KSR2: variants seen among roughly 807,000 people sequenced by gnomAD.
KSR2 encodes kinase suppressor of ras 2.
A neutral mutation model predicts 107.8 loss-of-function variants in KSR2; 25 were observed. The observed-to-expected ratio is 0.23, with a 90% CI of 0.17 to 0.32. The LOEUF (loss-of-function observed/expected upper bound fraction) is 0.32, where lower values mean the gene tolerates loss of function less well. Ranked by LOEUF, KSR2 falls within the 10% of genes least tolerant of loss-of-function variation. The pLI is 1.00. For synonymous variants in KSR2, 480 were observed against 507.0 expected, an observed-to-expected ratio of 0.95 and a Z score of 0.71; for missense variants, 887 against 1,268.9, an observed-to-expected ratio of 0.70 and a Z score of 4.57.
At chr12:117,858,666 G>C (rs1031043239) in intron 2 of KSR2, among the ~76,000 whole-genome samples, 1 of 152,190 alleles carries the variant, frequency 6.6e-6, no homozygotes, top group Non-Finnish European at 1.5e-5. Context: ...GCTCTGGGGG[G>C]ACCCAGGCAA....
intron 4 of KSR2, among the ~76,000 whole-genome samples, chr12:117,698,072 C>G (rs888506814): frequency 6.6e-6 from 1 of 152,140 alleles, no homozygotes; most frequent in Admixed American, 6.5e-5. Flanking sequence ...TCACTAGAAG[C>G]AGAAGCTAGG....
chr12:117,665,326 C>T (rs568924498), intron 5 of KSR2, among the ~76,000 whole-genome samples: 8 of 152,176 alleles, frequency 5.3e-5, no homozygotes, highest in Non-Finnish European at 8.8e-5. Flanking sequence ...TTGGTAGGGA[C>T]GGGGGCTCAA....
intron 3 of KSR2, among the ~76,000 whole-genome samples, chr12:117,782,625 G>C (rs1306765372): frequency 1.3e-5 from 2 of 152,120 alleles, no homozygotes; most frequent in Admixed American, 6.5e-5. Flanking sequence ...CATTTTGCGA[G>C]TACCACCTCA....
At chr12:117,639,085 G>A (rs3956806) in intron 5 of KSR2, among the ~76,000 whole-genome samples, 25,216 of 151,886 alleles carry the variant, frequency 0.17, 2,195 homozygotes, top group Middle Eastern at 0.24. Context: ...GCTGGTTCAC[G>A]TACATTGCCC....
In KSR2 at chr12:117,761,462, T is replaced by TGGGCA. The variant is rs1889018272; in HGVS notation, c.534_535insTGCCC (p.Asn179CysfsTer95). The stretch of plus-strand genomic sequence containing the variant: ...GGCTCCGGGGGGCACACGGGATTGT[T>TGGGCA]CTCCTTCCCCGTCTCTGTCGTGGGC... On this transcript the variant is annotated frameshift_variant, in exon 4 of 20. Coordinates refer to ENST00000339824, the MANE Select transcript of KSR2 (RefSeq NM_173598.6). LOFTEE classifies it high-confidence loss of function. The TGGGCA allele has an allele frequency of 6.2e-7, 1 of 1,612,906 alleles. No homozygotes were observed. Among genetic ancestry groups the TGGGCA allele is most frequent in the Non-Finnish European group, 8.5e-7 (1 of 1,179,600 alleles).
chr12:117,723,354 C>A (rs1390989086), intron 4 of KSR2, among the ~76,000 whole-genome samples: 1 of 152,160 alleles, frequency 6.6e-6, no homozygotes, highest in Non-Finnish European at 1.5e-5. Flanking sequence ...TCAACCAACC[C>A]ATCACAACAG....
chr12:117,496,910 G>A (rs1391367094), intron 14 of KSR2, among the ~76,000 whole-genome samples: 2 of 151,566 alleles, frequency 1.3e-5, no homozygotes, highest in African/African-American at 4.9e-5. Context: ...CAGTGCAGTG[G>A]CACAATCTCA....
At chr12:117,498,773 T>C (rs752625495) in intron 14 of KSR2, among the ~76,000 whole-genome samples, 6 of 152,172 alleles carry the variant, frequency 3.9e-5, no homozygotes, top group Non-Finnish European at 8.8e-5. Context: ...GATGGCTTTA[T>C]AAAGGGGAGT....
intron 1 of KSR2, among the ~76,000 whole-genome samples, chr12:117,869,401 T>G (rs938000160): frequency 3.9e-5 from 6 of 152,068 alleles, no homozygotes; most frequent in African/African-American, 1.4e-4. Context: ...AGTTTGAGCA[T>G]TTCAGATAAG....
intron 4 of KSR2, among the ~76,000 whole-genome samples, chr12:117,714,113 A>C (rs1272131103): frequency 1.3e-5 from 2 of 152,160 alleles, no homozygotes; most frequent in African/African-American, 4.8e-5. Context: ...GGCTCGTTAA[A>C]TATTCATTCA....
Position 117,555,163 on chromosome 12 carries a change from C to T in KSR2, c.1518+6G>A. ...ATGCCGAGACCCAGGGGAAGCCCAG[C>T]CTTACCTTGTTGATTTTGTTGGTTT... On this transcript the variant is annotated splice_donor_region_variant and intron_variant, in intron 9 of 19. Coordinates refer to ENST00000339824, the MANE Select transcript of KSR2 (RefSeq NM_173598.6). 4 of 1,613,834 alleles carry T rather than the reference C, an allele frequency of 2.5e-6. No individual in the cohort carries two copies. The highest frequency in any genetic ancestry group is 3.4e-6 in the Non-Finnish European group (4 of 1,179,834).
intron 9 of KSR2, among the ~76,000 whole-genome samples, chr12:117,553,445 C>G (rs773317660): frequency 1.1e-4 from 17 of 152,280 alleles, no homozygotes; most frequent in Middle Eastern, 3.4e-3. Context: ...AAATTACATT[C>G]ATTAAGTATC....
intron 4 of KSR2, among the ~76,000 whole-genome samples, chr12:117,712,447 T>C (rs542928175): frequency 1.4e-4 from 22 of 152,188 alleles, no homozygotes; most frequent in African/African-American, 5.1e-4. Context: ...GAAACACCAC[T>C]AGCCGGAGTC....
chr12:117,490,743 G>A (rs1872701899), intron 14 of KSR2, among the ~76,000 whole-genome samples: 3 of 152,122 alleles, frequency 2.0e-5, no homozygotes, highest in Admixed American at 6.5e-5. Flanking sequence ...ATTTAATGAA[G>A]CATGGTATCA....
chr12:117,839,307 G>A (rs1483468432), intron 3 of KSR2, among the ~76,000 whole-genome samples: 1 of 152,226 alleles, frequency 6.6e-6, no homozygotes, highest in Non-Finnish European at 1.5e-5. Flanking sequence ...TGAACAAAGT[G>A]CTGCGTTTAG....
At chr12:117,960,305 C>T (rs1293205350) in intron 1 of KSR2, among the ~76,000 whole-genome samples, 1 of 152,006 alleles carries the variant, frequency 6.6e-6, no homozygotes, top group Non-Finnish European at 1.5e-5. Flanking sequence ...GTTCATTAGC[C>T]CCTCAATAAA....
intron 5 of KSR2, among the ~76,000 whole-genome samples, chr12:117,626,699 G>C (rs1266823373): frequency 1.3e-5 from 2 of 152,306 alleles, no homozygotes; most frequent in South Asian, 2.1e-4. Flanking sequence ...GGGGTGGAGA[G>C]TTATGAAGAT....
intron 5 of KSR2, among the ~76,000 whole-genome samples, chr12:117,666,539 C>T (rs934390468): frequency 2.6e-5 from 4 of 152,198 alleles, no homozygotes; most frequent in Non-Finnish European, 5.9e-5. Context: ...CTCAGTTTCC[C>T]CTTCTGTACA....
At chr12:117,622,859 A>T (rs185033223) in intron 5 of KSR2, among the ~76,000 whole-genome samples, 2 of 152,372 alleles carry the variant, frequency 1.3e-5, no homozygotes, top group South Asian at 4.1e-4. Flanking sequence ...TGCAAGAAAT[A>T]TAAGAAGAAA....
Sources: allele counts gnomAD v4.1 joint callset (sites outside exome capture counted in the v4.1 genomes callset), GRCh38; gene constraint gnomAD v4.1.1; transcripts MANE v1.5; gene names NCBI Gene and HGNC (gene_info 2026-07-23, HGNC 2026-07-21).